LIMS2: variants seen among roughly 807,000 people sequenced by gnomAD.
LIMS2 encodes the protein LIM zinc finger domain containing 2, also known as LIM and senescent cell antigen-like-containing domain protein 2.
Under a neutral mutation model 45.3 loss-of-function variants are expected in LIMS2, and 30 were observed. The ratio of observed to expected loss-of-function variants is 0.66; its 90% CI spans 0.50 to 0.90. LIMS2 has a LOEUF of 0.90. Among genes scored for constraint, LIMS2 ranks in the 40% least tolerant of loss-of-function variants. LIMS2 has a pLI of 0.00. For missense variants in LIMS2, 485 were observed against 468.7 expected (o/e 1.03, Z -0.32); for synonymous variants, 173 against 188.0 (o/e 0.92, Z 0.65).
intron 1 of LIMS2, 49 bp downstream of exon 1, chr2:127,674,965 T>C (rs1685441332): frequency 4.1e-6 from 5 of 1,226,546 alleles, no homozygotes; most frequent in South Asian, 4.1e-5. Context: ...CGGCCAGGGG[T>C]CCCGCAGTCC....
chr2:127,644,465 C>G (rs928757904), intron 4 of LIMS2, among the ~76,000 whole-genome samples: 1 of 152,222 alleles, frequency 6.6e-6, no homozygotes, highest in Non-Finnish European at 1.5e-5. Context: ...CAGCCCCAAC[C>G]CCAGGCCACC....
rs756728168 is a variant in LIMS2 at position 127,667,376 on chromosome 2, A to G, written c.11+7638T>C. ...AAGAAAAGAAAGACTAGGAGGGAAT[A>G]CTTCACAACTCATTCTATAAATATT... On this transcript the variant is annotated intron_variant, in intron 1 of 9. Coordinates refer to ENST00000355119, the MANE Select transcript of LIMS2 (RefSeq NM_001161403.3). This position sits in a 1 kb window ranked among gnomAD's most constrained non-coding sequence, Gnocchi z 4.1. Among the ~76,000 whole-genome samples, 3 of 152,256 alleles carry G rather than the reference A, an allele frequency of 2.0e-5. No homozygotes were observed. Among genetic ancestry groups the G allele is most frequent in the Non-Finnish European group, 4.4e-5 (3 of 68,034 alleles).
rs763570344 is a variant in LIMS2 at position 127,639,443 on chromosome 2, G to A, written c.879-15C>T. 6 of 1,613,008 alleles carry A rather than the reference G, an allele frequency of 3.7e-6. No individual in the cohort carries two copies. Among genetic ancestry groups the A allele is most frequent in the Non-Finnish European group, 8.5e-7 (1 of 1,179,596 alleles). On this transcript the variant is annotated splice_polypyrimidine_tract_variant and intron_variant, in intron 9 of 9. Coordinates refer to ENST00000355119, the MANE Select transcript of LIMS2 (RefSeq NM_001161403.3). ...CAAACTTGTTCCTGAGGAGGAAGCT[G>A]AGCTGTCAGCAGAGCCCCACGCCCA... is the stretch of plus-strand genomic sequence containing the variant.
Position 127,642,107 on chromosome 2 carries a change from C to A in LIMS2, c.602G>T (p.Cys201Phe). The A allele has an allele frequency of 6.2e-7, 1 of 1,608,570 alleles. No individual in the cohort carries two copies. Among genetic ancestry groups the A allele is most frequent in the Non-Finnish European group, 8.5e-7 (1 of 1,177,544 alleles). ...DKMGVPICGA[C>F]RRPIEGRVVN... ...CACTCGGCCCTCGATGGGCCGGCGGCAGGCCCCGCAGATGGGGACGCCCAT... is the reference window on the plus strand; with the variant it reads ...CACTCGGCCCTCGATGGGCCGGCGGAAGGCCCCGCAGATGGGGACGCCCAT... The change falls in exon 6 of 10, where the codon TGC becomes TTC. Residue 201 changes from cysteine (C) to phenylalanine (F), a missense_variant. Coordinates refer to ENST00000355119, the MANE Select transcript of LIMS2 (RefSeq NM_001161403.3). The surrounding 1 kb of genome is among the most constrained non-coding windows in gnomAD (Gnocchi z 5.3).
At chr2:127,648,262 C>G (rs1336847507) in intron 4 of LIMS2, 1 of 930,488 alleles carries the variant, frequency 1.1e-6, no homozygotes, top group Non-Finnish European at 1.3e-6. Context: ...TTGAAACACT[C>G]TGAAGCCGGG....
intron 1 of LIMS2, among the ~76,000 whole-genome samples, chr2:127,658,467 C>T (rs1243862559): frequency 6.6e-6 from 1 of 152,178 alleles, no homozygotes; most frequent in Non-Finnish European, 1.5e-5. Context: ...AAATCTCATC[C>T]ATACTGGGCA....
intron 4 of LIMS2, among the ~76,000 whole-genome samples, chr2:127,649,211 G>A (rs1327364592): frequency 6.6e-6 from 1 of 150,604 alleles, no homozygotes; most frequent in Non-Finnish European, 1.5e-5. Context: ...AAGGAAGGAA[G>A]GGCAGGGAGA....
intron 1 of LIMS2, 138 bp from the exon 2 acceptor site, chr2:127,657,700 C>A: frequency 1.0e-6 from 1 of 986,666 alleles, no homozygotes; most frequent in South Asian, 1.7e-5. Context: ...ATCGCTCTAA[C>A]CCAGGGTCCA....
chr2:127,667,044 A>T lies in LIMS2; in HGVS notation c.11+7970T>A, dbSNP rs1685039016. Reference sequence around the variant, plus strand: ...AAAGAGACTGAGACAGTAACCAAAAAACTTGTCACAAAGTAAAGCCAGAGC... The same window carrying T: ...AAAGAGACTGAGACAGTAACCAAAATACTTGTCACAAAGTAAAGCCAGAGC... On this transcript the variant is annotated intron_variant, in intron 1 of 9. Transcript: ENST00000355119. The surrounding 1 kb of genome is among the most constrained non-coding windows in gnomAD (Gnocchi z 4.1). 6.6e-6 allele frequency among the ~76,000 whole-genome samples: 1 copy of T among 152,228 alleles called. No individual in the cohort carries two copies. The highest frequency in any genetic ancestry group is 2.1e-4 in the South Asian group (1 of 4,832).
intron 4 of LIMS2, chr2:127,648,254 G>A: frequency 1.1e-6 from 1 of 942,374 alleles, no homozygotes; most frequent in Non-Finnish European, 1.3e-6. Flanking sequence ...CAGGCATCTT[G>A]AAACACTCTG....
intron 1 of LIMS2, among the ~76,000 whole-genome samples, chr2:127,658,610 C>T (rs985179241): frequency 1.3e-5 from 2 of 152,112 alleles, no homozygotes; most frequent in African/African-American, 4.8e-5. Context: ...CCAGGAGGGG[C>T]CTTTTAGACT....
At chr2:127,644,577 T>C (rs1682767856) in intron 4 of LIMS2, among the ~76,000 whole-genome samples, 1 of 152,186 alleles carries the variant, frequency 6.6e-6, no homozygotes, top group Non-Finnish European at 1.5e-5. Context: ...GTAGGCCCCA[T>C]GACCCCACTC....
At chr2:127,649,992 A>G (rs1683554403) in intron 4 of LIMS2, 2 of 1,601,260 alleles carry the variant, frequency 1.2e-6, no homozygotes, top group Non-Finnish European at 8.5e-7. Context: ...TCCTAAACAC[A>G]GGTCTCCCCA....
At chr2:127,655,068 C>T (rs1043269167) in intron 2 of LIMS2, 172 bp from the exon 3 acceptor site, 10 of 690,010 alleles carry the variant, frequency 1.4e-5, no homozygotes, top group African/African-American at 3.5e-5. Flanking sequence ...GACACTGGCC[C>T]TTTTGGGATG....
upstream of LIMS2, among the ~76,000 whole-genome samples, chr2:127,677,154 T>G (rs904197165): frequency 5.3e-5 from 8 of 152,172 alleles, no homozygotes; most frequent in East Asian, 1.3e-3. The surrounding 1 kb of genome is among the most constrained non-coding windows in gnomAD (Gnocchi z 5.0). Context: ...CTCCCACAGT[T>G]CAGCCAAGAG....
At chr2:127,678,292 A>C (rs890012309), upstream of LIMS2, among the ~76,000 whole-genome samples, 1 of 152,178 alleles carries the variant, frequency 6.6e-6, no homozygotes, top group Non-Finnish European at 1.5e-5. The surrounding 1 kb of genome is among the most constrained non-coding windows in gnomAD (Gnocchi z 5.3). Flanking sequence ...CCTCTAAAAA[A>C]TGAACTCAAG....
intron 1 of LIMS2, among the ~76,000 whole-genome samples, chr2:127,658,786 C>T (rs1434262430): frequency 1.3e-5 from 2 of 152,228 alleles, no homozygotes; most frequent in Non-Finnish European, 2.9e-5. Context: ...GCATCAGGCT[C>T]GCTGGGGAGT....
At chr2:127,681,772 G>T (rs1685621207) in exon 1 of LIMS2, 1 of 151,988 alleles carries the variant, frequency 6.6e-6, no homozygotes, top group African/African-American at 2.4e-5. Context: ...CAGTATCCAC[G>T]GACAGACTGC....
Position 127,671,654 on chromosome 2 carries a change from C to T in LIMS2, c.11+3360G>A, listed in dbSNP as rs1022921659. 2.6e-5 allele frequency among the ~76,000 whole-genome samples: 4 copies of T among 152,166 alleles called. No homozygotes were observed. Among genetic ancestry groups the T allele is most frequent in the Admixed American group, 6.5e-5 (1 of 15,282 alleles). On this transcript the variant is annotated intron_variant, in intron 1 of 9. Coordinates refer to ENST00000355119, the MANE Select transcript of LIMS2 (RefSeq NM_001161403.3). This position sits in a 1 kb window ranked among gnomAD's most constrained non-coding sequence, Gnocchi z 4.1. ...GAGCCCAGGTGGGGGTATCACACCA[C>T]GGGACTGGACACCCTGCAGATCAGT...
Sources: gnomAD v4.1 joint callset for allele counts (sites outside exome capture counted in the v4.1 genomes callset) on GRCh38, gnomAD v4.1.1 for gene constraint, Gnocchi (gnomAD v3.1) non-coding constraint, MANE v1.5 for transcripts, NCBI Gene and HGNC (gene_info 2026-07-23, HGNC 2026-07-21) for gene names.